The following AOAH variants were observed in gnomAD, a reference collection of about 807,000 sequenced individuals.
AOAH encodes acyloxyacyl hydrolase, also known as acyloxyacyl hydrolase (neutrophil).
AOAH carries 64 observed loss-of-function variants against 92.2 expected under a neutral mutation model. That is an observed-to-expected ratio of 0.69 (90% CI 0.57 to 0.86). AOAH has a LOEUF of 0.86. AOAH is among the 40% of genes least tolerant of loss of function. The probability of loss-of-function intolerance (pLI) is 0.00; values close to 1 mark genes in which losing one functional copy is unlikely to be tolerated. For missense variants in AOAH, 656 were observed against 694.6 expected (o/e 0.94, Z 0.62); for synonymous variants, 263 against 254.5 (o/e 1.03, Z -0.32).
intron 20 of AOAH, among the ~76,000 whole-genome samples, chr7:36,518,506 G>A (rs1783945282): frequency 6.6e-6 from 1 of 152,178 alleles, no homozygotes; most frequent in Non-Finnish European, 1.5e-5. Flanking sequence ...AGTACGGGAG[G>A]ATGGAGACAC....
intron 13 of AOAH, among the ~76,000 whole-genome samples, chr7:36,575,141 CTG>C (rs1157926745): frequency 6.6e-6 from 1 of 152,196 alleles, no homozygotes; most frequent in East Asian, 1.9e-4. Flanking sequence ...CACTTTGTAT[CTG>C]TGATGAGTCA....
At chr7:36,580,724 C>T (rs1021449991) in intron 12 of AOAH, among the ~76,000 whole-genome samples, 2 of 152,160 alleles carry the variant, frequency 1.3e-5, no homozygotes, top group Admixed American at 1.3e-4. Flanking sequence ...GGAAGCTGGG[C>T]CCCTGGCTGT....
intron 12 of AOAH, among the ~76,000 whole-genome samples, chr7:36,592,575 G>C (rs551329285): frequency 6.6e-6 from 1 of 152,314 alleles, no homozygotes; most frequent in Non-Finnish European, 1.5e-5. Flanking sequence ...AAGTTTGAGA[G>C]GCAAGAACAT....
Position 36,545,050 on chromosome 7 carries a change from C to CTT in AOAH, c.1133+3560_1133+3561dup, listed in dbSNP as rs566403888. ...CCATCCAATCCCCTTGAAGAGAAAT[C>CTT]TTTTTTTTTTTTTTAAATAGAGACA... On this transcript the variant is annotated intron_variant, in intron 15 of 20. Transcript: ENST00000617537. 3.4e-5 allele frequency among the ~76,000 whole-genome samples: 5 copies of CTT among 146,358 alleles called. No individual in the cohort carries two copies. In the East Asian group the frequency reaches 1.0e-3, roughly 29 times the overall value.
intron 7 of AOAH, among the ~76,000 whole-genome samples, chr7:36,622,031 ATGTG>A (rs146594017): frequency 3.3e-5 from 5 of 151,678 alleles, no homozygotes; most frequent in Admixed American, 3.3e-4. Flanking sequence ...ATGTGAATGT[ATGTG>A]TGTGTGTGTG....
chr7:36,570,150 A>G (rs1788038746), intron 13 of AOAH, among the ~76,000 whole-genome samples: 1 of 152,152 alleles, frequency 6.6e-6, no homozygotes, highest in South Asian at 2.1e-4. Context: ...AAACCAGTTG[A>G]ACATCAGCTC....
intron 15 of AOAH, among the ~76,000 whole-genome samples, chr7:36,543,943 CTTTCTTTT>C (rs1309716602): frequency 6.0e-5 from 5 of 82,794 alleles, no homozygotes; most frequent in Admixed American, 2.6e-4. Context: ...TTCTTTCTTT[CTTTCTTTT>C]TTTTTTTTTT....
intron 18 of AOAH, among the ~76,000 whole-genome samples, chr7:36,531,160 T>A (rs375875400): frequency 2.6e-5 from 4 of 152,202 alleles, no homozygotes; most frequent in African/African-American, 9.7e-5. Flanking sequence ...TCATACTATG[T>A]AGGCAAAAAC....
chr7:36,636,616 AATG>A (rs1276263045), intron 5 of AOAH, among the ~76,000 whole-genome samples: 1 of 152,254 alleles, frequency 6.6e-6, no homozygotes, highest in Non-Finnish European at 1.5e-5. Context: ...TGAATTAAAT[AATG>A]ATTGTCAATG....
At chr7:36,690,203 T>C (rs1057125143) in intron 1 of AOAH, 7 of 400,892 alleles carry the variant, frequency 1.7e-5, no homozygotes, top group Middle Eastern at 3.3e-4. Context: ...AATCATTAGC[T>C]AGATAAAAAG....
At chr7:36,700,328 T>TC (rs1797955213) in intron 1 of AOAH, among the ~76,000 whole-genome samples, 1 of 152,038 alleles carries the variant, frequency 6.6e-6, no homozygotes, top group African/African-American at 2.4e-5. Flanking sequence ...CTCACTCCTT[T>TC]CCCTTCCTTC....
At chr7:36,697,929 G>A (rs1044711153) in intron 1 of AOAH, among the ~76,000 whole-genome samples, 5 of 152,180 alleles carry the variant, frequency 3.3e-5, no homozygotes, top group African/African-American at 1.2e-4. Context: ...GTAAGACAAG[G>A]AATGTGAAGG....
At chr7:36,690,107 T>A (rs749484905) in intron 1 of AOAH, 3 of 444,780 alleles carry the variant, frequency 6.7e-6, no homozygotes, top group African/African-American at 6.1e-5. Context: ...ACATATGGGC[T>A]TTTCTTCTGA....
At chr7:36,597,604 G>T (rs1156300835) in intron 11 of AOAH, among the ~76,000 whole-genome samples, 1 of 152,174 alleles carries the variant, frequency 6.6e-6, no homozygotes, top group Non-Finnish European at 1.5e-5. Flanking sequence ...TTACAAGAAT[G>T]ATATGGTTCT....
intron 19 of AOAH, among the ~76,000 whole-genome samples, chr7:36,524,753 A>T (rs1784311793): frequency 6.6e-6 from 1 of 151,320 alleles, no homozygotes; most frequent in Non-Finnish European, 1.5e-5. Context: ...TTTTTTTTTA[A>T]ACCATGTGAG....
At chr7:36,585,716 C>T (rs544662699) in intron 12 of AOAH, among the ~76,000 whole-genome samples, 1 of 152,254 alleles carries the variant, frequency 6.6e-6, no homozygotes, top group Admixed American at 6.5e-5. Flanking sequence ...ATATGATAGC[C>T]TTTATGGGAA....
intron 19 of AOAH, among the ~76,000 whole-genome samples, chr7:36,525,593 C>T (rs986845775): frequency 6.6e-6 from 1 of 152,170 alleles, no homozygotes; most frequent in African/African-American, 2.4e-5. Context: ...GCAGGTTGAG[C>T]ATCCCACATC....
At chr7:36,560,290 A>G (rs1787162633) in intron 13 of AOAH, among the ~76,000 whole-genome samples, 1 of 152,204 alleles carries the variant, frequency 6.6e-6, no homozygotes, top group Non-Finnish European at 1.5e-5. Context: ...GTAGCTTGAT[A>G]AAAATAGCAC....
chr7:36,544,523 A>C (rs1785667990), intron 15 of AOAH, among the ~76,000 whole-genome samples: 1 of 152,096 alleles, frequency 6.6e-6, no homozygotes, highest in Non-Finnish European at 1.5e-5. Context: ...CACCCCAGAC[A>C]CTCAGATGCA....
Sources: gnomAD v4.1 joint callset for allele counts (sites outside exome capture counted in the v4.1 genomes callset) on GRCh38, gnomAD v4.1.1 for gene constraint, MANE v1.5 for transcripts, NCBI Gene and HGNC (gene_info 2026-07-23, HGNC 2026-07-21) for gene names.